The following ZNF827 variants were observed in gnomAD, a reference collection of about 807,000 sequenced individuals.
ZNF827 encodes zinc finger protein 827.
In ZNF827, 13 loss-of-function variants were observed where a neutral mutation model predicts 102.4. The observed-to-expected ratio is 0.13, with a 90% CI of 0.08 to 0.20. ZNF827 has a LOEUF of 0.20. Among genes scored for constraint, ZNF827 ranks in the 10% least tolerant of loss-of-function variants. ZNF827 has a pLI of 1.00. For missense variants in ZNF827, 1,103 were observed against 1,344.4 expected, an observed-to-expected ratio of 0.82 and a Z score of 2.81; for synonymous variants, 523 against 536.2, an observed-to-expected ratio of 0.98 and a Z score of 0.34.
chr4:145,922,529 C>A (rs1227614863), intron 1 of ZNF827, among the ~76,000 whole-genome samples: 1 of 152,162 alleles, frequency 6.6e-6, no homozygotes, highest in Non-Finnish European at 1.5e-5. Context: ...AAAAGCCCTG[C>A]CAGTTTCACT....
At chr4:145,899,735 A>C (rs752625354) in intron 2 of ZNF827, among the ~76,000 whole-genome samples, 7 of 152,208 alleles carry the variant, frequency 4.6e-5, no homozygotes, top group Non-Finnish European at 8.8e-5. Flanking sequence ...TCTGCTGATG[A>C]AGCTGCTTCT....
chr4:145,897,087 G>C (rs1751037055), intron 2 of ZNF827, among the ~76,000 whole-genome samples: 1 of 152,186 alleles, frequency 6.6e-6, no homozygotes, highest in African/African-American at 2.4e-5. Context: ...ATACTAAACT[G>C]AGGTAGTATG....
chr4:145,905,663 C>T (rs1751797689), intron 1 of ZNF827, among the ~76,000 whole-genome samples: 1 of 152,168 alleles, frequency 6.6e-6, no homozygotes, highest in Non-Finnish European at 1.5e-5. Context: ...CAGTCAACAT[C>T]AATTTCAACA....
intron 4 of ZNF827, among the ~76,000 whole-genome samples, chr4:145,878,058 C>A (rs1579451006): frequency 6.6e-6 from 1 of 152,206 alleles, no homozygotes; most frequent in Admixed American, 6.5e-5. Flanking sequence ...ATGACATCTC[C>A]TCTTGACTGC....
At chr4:145,885,074 T>C (rs966525851) in intron 4 of ZNF827, among the ~76,000 whole-genome samples, 5 of 152,068 alleles carry the variant, frequency 3.3e-5, no homozygotes, top group Non-Finnish European at 7.4e-5. Flanking sequence ...CATTGAACTG[T>C]GCACCTAAAA....
intron 8 of ZNF827, among the ~76,000 whole-genome samples, chr4:145,810,993 C>CTTTTTTTTT (rs34011180): frequency 7.2e-6 from 1 of 137,974 alleles, no homozygotes. Context: ...ACTCATTTCG[C>CTTTTTTTTT]TTTTTTTTTT....
chr4:145,895,720 T>A (rs1358583821), intron 2 of ZNF827, among the ~76,000 whole-genome samples: 1 of 152,200 alleles, frequency 6.6e-6, no homozygotes, highest in Non-Finnish European at 1.5e-5. Context: ...TCTCCATGTG[T>A]TTATGATGTT....
intron 1 of ZNF827, among the ~76,000 whole-genome samples, chr4:145,916,363 T>C (rs1427100601): frequency 6.6e-6 from 1 of 152,138 alleles, no homozygotes; most frequent in African/African-American, 2.4e-5. Context: ...CTGTGACACC[T>C]GGGGTGAACT....
chr4:145,864,608 A>C (rs769268224), intron 5 of ZNF827, among the ~76,000 whole-genome samples: 17 of 151,944 alleles, frequency 1.1e-4, no homozygotes, highest in South Asian at 2.1e-4. Flanking sequence ...AAAATAATAA[A>C]ATAAAATATA....
chr4:145,936,618 C>T (rs910102652), intron 1 of ZNF827, among the ~76,000 whole-genome samples: 2 of 152,070 alleles, frequency 1.3e-5, no homozygotes, highest in African/African-American at 4.8e-5. Flanking sequence ...GGGCGCCTGG[C>T]CCGAGCAGCC....
chr4:145,818,657 A>G (rs1742834706), intron 8 of ZNF827, among the ~76,000 whole-genome samples: 1 of 152,250 alleles, frequency 6.6e-6, no homozygotes, highest in African/African-American at 2.4e-5. Flanking sequence ...TCCAAGATAG[A>G]TTTATACGTG....
chr4:145,812,897 C>G (rs1742179666), intron 8 of ZNF827, among the ~76,000 whole-genome samples: 2 of 152,124 alleles, frequency 1.3e-5, no homozygotes, highest in Admixed American at 1.3e-4. Flanking sequence ...GTTTTGCTTT[C>G]TAAGATTTCC....
intron 8 of ZNF827, among the ~76,000 whole-genome samples, chr4:145,804,293 T>C (rs1447780976): frequency 6.6e-6 from 1 of 152,218 alleles, no homozygotes; most frequent in Non-Finnish European, 1.5e-5. Context: ...GGCTCAGGCA[T>C]TAAGTAATCA....
intron 1 of ZNF827, among the ~76,000 whole-genome samples, chr4:145,912,622 G>C (rs1274762111): frequency 6.6e-6 from 1 of 152,198 alleles, no homozygotes; most frequent in Admixed American, 6.5e-5. Context: ...AATCCAGTAT[G>C]ACTGGTGTCC....
intron 8 of ZNF827, among the ~76,000 whole-genome samples, chr4:145,819,418 T>C (rs908333881): frequency 2.0e-5 from 3 of 152,190 alleles, no homozygotes; most frequent in African/African-American, 7.2e-5. Context: ...CTTAACAGCC[T>C]TTGCTTACAG....
intron 11 of ZNF827, among the ~76,000 whole-genome samples, chr4:145,769,241 C>CTACA (rs948517662): frequency 2.0e-5 from 3 of 150,292 alleles, no homozygotes; most frequent in Non-Finnish European, 4.4e-5. Context: ...TGACTTTAGA[C>CTACA]TACAGACTTC....
At chr4:145,863,722 G>C (rs981486833) in intron 5 of ZNF827, among the ~76,000 whole-genome samples, 1 of 145,430 alleles carries the variant, frequency 6.9e-6, no homozygotes, top group Non-Finnish European at 1.5e-5. Flanking sequence ...TGCCTGGGTG[G>C]GGGGTGGAGG....
intron 7 of ZNF827, among the ~76,000 whole-genome samples, chr4:145,828,808 G>C (rs1743920493): frequency 6.6e-6 from 1 of 152,172 alleles, no homozygotes; most frequent in East Asian, 1.9e-4. Flanking sequence ...ACAGGGCTGA[G>C]AAAGGAAAAG....
intron 1 of ZNF827, among the ~76,000 whole-genome samples, chr4:145,907,579 G>A (rs925287980): frequency 6.6e-6 from 1 of 152,174 alleles, no homozygotes; most frequent in African/African-American, 2.4e-5. Flanking sequence ...GAGCAGCACT[G>A]CACAAGCCAA....
Sources: gnomAD v4.1 joint callset for allele counts (sites outside exome capture counted in the v4.1 genomes callset) on GRCh38, gnomAD v4.1.1 for gene constraint, MANE v1.5 for transcripts, NCBI Gene and HGNC (gene_info 2026-07-23, HGNC 2026-07-21) for gene names.